HBS1L: variants seen among roughly 807,000 people sequenced by gnomAD.
HBS1L encodes the protein HBS1-like protein.
HBS1L carries 55 observed loss-of-function variants against 88.9 expected under a neutral mutation model. That is an observed-to-expected ratio of 0.62 (90% CI 0.50 to 0.77). The LOEUF (loss-of-function observed/expected upper bound fraction) is 0.77, where lower values mean the gene tolerates loss of function less well. Ranked by LOEUF, HBS1L falls within the 30% of genes least tolerant of loss-of-function variation. The pLI is 0.00. For synonymous variants in HBS1L, 267 were observed against 288.5 expected (o/e 0.93, Z 0.76); for missense variants, 741 against 829.3 (o/e 0.89, Z 1.31).
chr6:134,997,514 G>C lies in HBS1L; in HGVS notation c.682C>G (p.Gln228Glu), dbSNP rs137950448. The change falls in exon 6 of 18, where the codon CAG (glutamine) becomes GAG (glutamate). Residue 228 changes from glutamine (Q) to glutamate (E), a missense_variant. Gln to Glu is a conservative substitution (Grantham distance 29). Coordinates refer to ENST00000367837, the MANE Select transcript of HBS1L (RefSeq NM_006620.4). ...PPHTIQASEE[Q>E]SSTPAPVKKS... ...TTCACCGGTGCTGGGGTTGAACTCT[G>C]CTCTTCTGATGCTTGAATCGTGTGG... 40 of 1,613,964 alleles carry C rather than the reference G, an allele frequency of 2.5e-5. No individual in the cohort carries two copies. In the African/African-American group the frequency reaches 4.8e-4, roughly 19 times the overall value.
chr6:134,971,503 T>C (rs1321795367), intron 15 of HBS1L, among the ~76,000 whole-genome samples: 2 of 152,202 alleles, frequency 1.3e-5, no homozygotes, highest in Non-Finnish European at 2.9e-5. Context: ...TGGTGAGCTA[T>C]GTGTGAGCTA....
rs376525311 is a variant in HBS1L at position 134,996,812 on chromosome 6, T to C, written c.930A>G (p.Ala310=). 9.9e-6 allele frequency: 16 copies of C among 1,611,024 alleles called. No homozygotes were observed. The highest frequency in any genetic ancestry group is 1.2e-5 in the Non-Finnish European group (14 of 1,178,994). ...KKAGKASFAY[A]WVLDETGEER... The stretch of plus-strand genomic sequence containing the variant: ...CTTCGCCAGTTTCATCCAAGACCCA[T>C]GCATATGCAAACGAAGCTTTGCCAG... The change falls in exon 7 of 18, where the codon GCA becomes GCG. Residue 310 remains alanine (A), a synonymous_variant. Transcript: ENST00000367837.
At chr6:134,988,456 AC>A (rs1406221822) in intron 8 of HBS1L, among the ~76,000 whole-genome samples, 2 of 150,264 alleles carry the variant, frequency 1.3e-5, no homozygotes, top group Non-Finnish European at 2.9e-5. Flanking sequence ...AAAAAAAAAA[AC>A]ATAAAAAACC....
chr6:134,993,737 A>G (rs773359334), intron 8 of HBS1L, 21 bp downstream of exon 8: 3 of 1,152,974 alleles, frequency 2.6e-6, no homozygotes, highest in Non-Finnish European at 3.8e-6. Context: ...AGCACACTAT[A>G]GTGAAGAAAA....
At chr6:134,980,824 A>C (rs968312728) in intron 13 of HBS1L, among the ~76,000 whole-genome samples, 2 of 151,760 alleles carry the variant, frequency 1.3e-5, no homozygotes, top group Non-Finnish European at 2.9e-5. Flanking sequence ...TTCTTTTGGG[A>C]CAGTACTGGT....
chr6:134,967,951 T>C (rs1338988141), intron 16 of HBS1L, among the ~76,000 whole-genome samples: 3 of 152,162 alleles, frequency 2.0e-5, no homozygotes, highest in African/African-American at 7.2e-5. Flanking sequence ...AGCTAAAGAC[T>C]CAGGTTAAAT....
In HBS1L at chr6:135,033,476, C is replaced by T. The variant is rs183150983; in HGVS notation, c.430+6097G>A. On this transcript the variant is annotated intron_variant, in intron 4 of 17. Coordinates refer to ENST00000367837, the MANE Select transcript of HBS1L (RefSeq NM_006620.4). ...AGTCTCAAAGAGACTGTGACATTCCCTTAGTCAACAGGGCAAGTACTTGTC... is the reference window on the plus strand; with the variant it reads ...AGTCTCAAAGAGACTGTGACATTCCTTTAGTCAACAGGGCAAGTACTTGTC... 3.8e-3 allele frequency among the ~76,000 whole-genome samples: 576 copies of T among 152,256 alleles called. 3 individuals carry two copies. Among genetic ancestry groups the T allele is most frequent in the African/African-American group, 0.012 (515 of 41,546 alleles).
At chr6:135,037,128 A>G (rs1304121347) in intron 4 of HBS1L, 1 of 1,551,632 alleles carries the variant, frequency 6.4e-7, no homozygotes, top group Non-Finnish European at 8.7e-7. Context: ...TTGTGGGAGA[A>G]GCTTTATGAA....
chr6:135,034,295 A>G (rs1296631200), intron 4 of HBS1L, among the ~76,000 whole-genome samples: 1 of 152,244 alleles, frequency 6.6e-6, no homozygotes, highest in East Asian at 1.9e-4. Context: ...ACAGTAAAGT[A>G]GCTGCCAGAG....
rs563137569 is a variant in HBS1L at position 134,969,426 on chromosome 6, T to C, written c.1798-88A>G. 4 of 787,854 alleles carry C rather than the reference T, an allele frequency of 5.1e-6. No homozygotes were observed. In the Admixed American group the frequency reaches 6.1e-5, roughly 12 times the overall value. 48.8% of individuals were successfully genotyped at this position (787,854 alleles called of 1,614,324 possible). A position where few individuals can be genotyped will look rare whatever the true frequency, so the allele number is the denominator to read the frequency against. Reference sequence around the variant, plus strand: ...GCACTTATACTTAATTATCTTCAATTCAGTGCTACTGCTTGGAGTCTTTCA... The same window carrying C: ...GCACTTATACTTAATTATCTTCAATCCAGTGCTACTGCTTGGAGTCTTTCA... On this transcript the variant is annotated intron_variant, in intron 15 of 17. Transcript: ENST00000367837.
At chr6:135,049,434 T>C (rs1163059340) in intron 2 of HBS1L, among the ~76,000 whole-genome samples, 1 of 152,300 alleles carries the variant, frequency 6.6e-6, no homozygotes, top group African/African-American at 2.4e-5. Context: ...ATTCAGACCA[T>C]GGCAGAAGGC....
rs927012594 is a variant in HBS1L at position 135,027,923 on chromosome 6, C to G, written c.430+11650G>C. 3.9e-5 allele frequency among the ~76,000 whole-genome samples: 6 copies of G among 152,184 alleles called. No homozygotes were observed. The East Asian group carries it at 1.2e-3, about 29-fold the overall frequency. ...GGGATCAAAGATGCGTGCCACCACA[C>G]TCGACTAATTTTTTTGTATTTTTGG... On this transcript the variant is annotated intron_variant, in intron 4 of 17. Transcript: ENST00000367837.
intron 4 of HBS1L, chr6:135,036,761 T>C (rs1176147538): frequency 6.4e-7 from 1 of 1,551,568 alleles, no homozygotes; most frequent in Non-Finnish European, 8.7e-7. Flanking sequence ...AGACACAGTG[T>C]TGAGGCAAAA....
At chr6:134,992,175 G>A (rs1775158895) in intron 8 of HBS1L, among the ~76,000 whole-genome samples, 1 of 152,166 alleles carries the variant, frequency 6.6e-6, no homozygotes, top group Admixed American at 6.5e-5. Flanking sequence ...ATGTTTTCCA[G>A]TAATCATCCA....
chr6:134,991,820 A>C (rs948494737), intron 8 of HBS1L, among the ~76,000 whole-genome samples: 1 of 152,182 alleles, frequency 6.6e-6, no homozygotes, highest in African/African-American at 2.4e-5. Context: ...CTGTAATCCC[A>C]ACACTTTGGG....
At chr6:135,030,251 T>C (rs934514685) in intron 4 of HBS1L, among the ~76,000 whole-genome samples, 20 of 152,266 alleles carry the variant, frequency 1.3e-4, no homozygotes, top group African/African-American at 4.8e-4. Context: ...AGAAAGTCTA[T>C]GTATGTGTGG....
intron 4 of HBS1L, among the ~76,000 whole-genome samples, chr6:135,003,466 C>T (rs1227720220): frequency 6.6e-6 from 1 of 150,862 alleles, no homozygotes; most frequent in Non-Finnish European, 1.5e-5. Context: ...ACTCGAGAGG[C>T]TAAGGTGAGA....
intron 7 of HBS1L, among the ~76,000 whole-genome samples, chr6:134,995,271 GATTTACAAAT>G (rs1775258111): frequency 6.6e-6 from 1 of 152,018 alleles, no homozygotes; most frequent in Non-Finnish European, 1.5e-5. Context: ...AAGACCAGGG[GATTTACAAAT>G]ATTTAACATG....
chr6:134,967,912 A>G lies in HBS1L; in HGVS notation c.1898+1326T>C, dbSNP rs913395100. ...GTCATATAGTTATATCGTGTTTCTC[A>G]GAACATTATAGCAAACACTCATGCC... On this transcript the variant is annotated intron_variant, in intron 16 of 17. Coordinates refer to ENST00000367837, the MANE Select transcript of HBS1L (RefSeq NM_006620.4). Among the ~76,000 whole-genome samples the G allele has an allele frequency of 1.4e-4, 22 of 152,324 alleles. 1 individual carries two copies. The highest frequency in any genetic ancestry group is 1.0e-4 in the Non-Finnish European group (7 of 68,032).
Sources: allele counts gnomAD v4.1 joint callset (sites outside exome capture counted in the v4.1 genomes callset), GRCh38; gene constraint gnomAD v4.1.1; transcripts MANE v1.5; gene names NCBI Gene and HGNC (gene_info 2026-07-23, HGNC 2026-07-21).